ST8SIA6: variants seen among roughly 807,000 people sequenced by gnomAD.
The protein encoded by ST8SIA6 is alpha-2,8-sialyltransferase 8F.
Under a neutral mutation model 33.6 loss-of-function variants are expected in ST8SIA6, and 39 were observed. The ratio of observed to expected loss-of-function variants is 1.16; its 90% CI spans 0.90 to 1.52. The LOEUF (loss-of-function observed/expected upper bound fraction) is 1.52, where lower values mean the gene tolerates loss of function less well. Ranked by LOEUF, ST8SIA6 falls within the 40% of genes most tolerant of loss-of-function variation. The pLI, the probability that ST8SIA6 is intolerant of heterozygous loss-of-function variation, is 0.00. For missense variants in ST8SIA6, 441 were observed against 443.8 expected (o/e 0.99, Z 0.06); for synonymous variants, 172 against 167.2 (o/e 1.03, Z -0.22).
intron 2 of ST8SIA6, among the ~76,000 whole-genome samples, chr10:17,413,157 T>C (rs1313073234): frequency 4.6e-5 from 7 of 152,216 alleles, no homozygotes; most frequent in Non-Finnish European, 1.0e-4. Flanking sequence ...CATTTTTTAA[T>C]TCAAGGAATA....
At chr10:17,331,601 C>T (rs372275078) in intron 4 of ST8SIA6, 49 bp from the exon 5 acceptor site, 169 of 1,557,618 alleles carry the variant, frequency 1.1e-4, no homozygotes, top group Non-Finnish European at 1.4e-4. Context: ...GATTAAGAAA[C>T]CGAAAATGCA....
chr10:17,390,726 C>A, intron 2 of ST8SIA6, 106 bp from the exon 3 acceptor site: 2 of 766,694 alleles, frequency 2.6e-6, no homozygotes, highest in East Asian at 2.9e-5. Flanking sequence ...CAAATGAAGT[C>A]TCATCTTTAC....
At chr10:17,377,137 T>G (rs1849945199) in intron 3 of ST8SIA6, among the ~76,000 whole-genome samples, 1 of 152,114 alleles carries the variant, frequency 6.6e-6, no homozygotes, top group South Asian at 2.1e-4. Context: ...ATTAACCAGT[T>G]GACCTTGTGA....
At position 17,390,607 on chromosome 10, in the gene ST8SIA6, C is replaced by T. The variant is rs543236591; in HGVS notation, c.214G>A (p.Glu72Lys). ...PRATNSTYLN[E>K]KSLQLTEKCK... ...TTCTCCGTCAGTTGGAGCGACTTCT[C>T]ATTCAGATATGTGCTGTTTCATGAA... Residue 72 changes from glutamate (E) to lysine (K), a missense_variant, in exon 3 of 8, where the codon GAG becomes AAG. Coordinates refer to ENST00000377602, the MANE Select transcript of ST8SIA6 (RefSeq NM_001004470.3). The T allele has an allele frequency of 1.9e-6, 3 of 1,613,628 alleles. No individual in the cohort carries two copies. The highest frequency in any genetic ancestry group is 1.7e-6 in the Non-Finnish European group (2 of 1,179,672).
chr10:17,318,817 C>G lies in ST8SIA6; in HGVS notation c.*2061G>C. Reference sequence around the variant, plus strand: ...TTTTACAGTTTACATAGCTGACATGCTGTATTGTAAACATTCATGTTCTAT... The same window carrying G: ...TTTTACAGTTTACATAGCTGACATGGTGTATTGTAAACATTCATGTTCTAT... On this transcript the variant is annotated 3_prime_UTR_variant, in exon 8 of 8. Coordinates refer to ENST00000377602, the MANE Select transcript of ST8SIA6 (RefSeq NM_001004470.3). 6.7e-6 allele frequency: 3 copies of G among 445,436 alleles called. No homozygotes were observed. Among genetic ancestry groups the G allele is most frequent in the Non-Finnish European group, 1.4e-5 (3 of 219,332 alleles). 27.6% of individuals were successfully genotyped at this position (445,436 alleles called of 1,614,324 possible).
chr10:17,338,166 C>T (rs1224389099), intron 4 of ST8SIA6, among the ~76,000 whole-genome samples: 2 of 151,852 alleles, frequency 1.3e-5, no homozygotes, highest in East Asian at 3.9e-4. Context: ...TCCCAAGTAG[C>T]TGGGATTACA....
intron 5 of ST8SIA6, among the ~76,000 whole-genome samples, chr10:17,328,281 G>C (rs1848195774): frequency 6.6e-6 from 1 of 152,194 alleles, no homozygotes; most frequent in Non-Finnish European, 1.5e-5. Context: ...CTCTGCGAAT[G>C]ACCAGCCAGC....
In ST8SIA6 at chr10:17,454,124, G is replaced by A; in HGVS notation, c.101+31C>T. The A allele has an allele frequency of 7.6e-6, 2 of 264,676 alleles. No homozygotes were observed. The highest frequency in any genetic ancestry group is 5.4e-5 in the Admixed American group (1 of 18,470). The allele number at this position is 264,676 out of a possible 1,614,324, so 16.4% of individuals were successfully genotyped here. ...GGGGGCGCCAGGCGGGGCGCGCGGC[G>A]CGGGGCGCGGCCGGCGGGTGGGTGG... On this transcript the variant is annotated intron_variant, in intron 1 of 7. Coordinates refer to ENST00000377602, the MANE Select transcript of ST8SIA6 (RefSeq NM_001004470.3). The surrounding 1 kb of genome is among the most constrained non-coding windows in gnomAD (Gnocchi z 4.1).
intron 2 of ST8SIA6, among the ~76,000 whole-genome samples, chr10:17,425,218 T>C (rs1004839946): frequency 6.6e-6 from 1 of 152,144 alleles, no homozygotes; most frequent in Non-Finnish European, 1.5e-5. Context: ...GCAGGATACA[T>C]GTATACCTAT....
chr10:17,359,732 AATC>A (rs1849322282), intron 3 of ST8SIA6, 132 bp from the exon 4 acceptor site: 1 of 488,210 alleles, frequency 2.0e-6, no homozygotes, highest in Non-Finnish European at 3.6e-6. Context: ...AAATAATTAA[AATC>A]ATACTCATTT....
At chr10:17,364,559 G>A (rs929509179) in intron 3 of ST8SIA6, among the ~76,000 whole-genome samples, 2 of 152,150 alleles carry the variant, frequency 1.3e-5, no homozygotes, top group Non-Finnish European at 2.9e-5. Flanking sequence ...AAAAGAATAA[G>A]GGATATAAAA....
intron 4 of ST8SIA6, among the ~76,000 whole-genome samples, chr10:17,354,954 T>A (rs1342997552): frequency 6.6e-6 from 1 of 152,170 alleles, no homozygotes; most frequent in Non-Finnish European, 1.5e-5. Flanking sequence ...CTGAAGGAAG[T>A]TTGAGACTCA....
chr10:17,342,629 G>C (rs1291565258), intron 4 of ST8SIA6, among the ~76,000 whole-genome samples: 1 of 152,124 alleles, frequency 6.6e-6, no homozygotes, highest in East Asian at 1.9e-4. Context: ...GAAAAGAGGA[G>C]GAAGGAGACT....
chr10:17,347,953 CAAA>C (rs55996465), intron 4 of ST8SIA6, among the ~76,000 whole-genome samples: 1 of 68,632 alleles, frequency 1.5e-5, no homozygotes, highest in African/African-American at 5.4e-5. Context: ...GACTCTGTCT[CAAA>C]AAAAAAAAAA....
chr10:17,357,366 G>A (rs1470148285), intron 4 of ST8SIA6, among the ~76,000 whole-genome samples: 1 of 149,922 alleles, frequency 6.7e-6, no homozygotes, highest in South Asian at 2.1e-4. Flanking sequence ...TTGATCTCCT[G>A]ATCTCGTGAT....
chr10:17,389,114 A>G (rs1001794787), intron 3 of ST8SIA6, among the ~76,000 whole-genome samples: 5 of 151,710 alleles, frequency 3.3e-5, no homozygotes. Context: ...ACTCATTTCA[A>G]CTCCCTGATT....
chr10:17,344,192 G>A (rs200669194), intron 4 of ST8SIA6, among the ~76,000 whole-genome samples: 2 of 152,152 alleles, frequency 1.3e-5, no homozygotes, highest in African/African-American at 2.4e-5. Flanking sequence ...GCACAGAGGG[G>A]GAAAAGTCAA....
chr10:17,346,403 G>A (rs1848833949), intron 4 of ST8SIA6, among the ~76,000 whole-genome samples: 1 of 152,118 alleles, frequency 6.6e-6, no homozygotes, highest in Non-Finnish European at 1.5e-5. Context: ...GGAGTTGCCT[G>A]GGCAACATAG....
At chr10:17,384,864 C>T (rs192962016) in intron 3 of ST8SIA6, among the ~76,000 whole-genome samples, 10 of 152,142 alleles carry the variant, frequency 6.6e-5, no homozygotes, top group Non-Finnish European at 1.5e-5. Context: ...GCTTTTTCCC[C>T]CTTCCTCCCC....
Sources: gnomAD v4.1 joint callset for allele counts (sites outside exome capture counted in the v4.1 genomes callset) on GRCh38, gnomAD v4.1.1 for gene constraint, Gnocchi (gnomAD v3.1) non-coding constraint, MANE v1.5 for transcripts, NCBI Gene and HGNC (gene_info 2026-07-23, HGNC 2026-07-21) for gene names.